Variants in PRSS12 observed in about 807,000 individuals in gnomAD.
The protein encoded by PRSS12 is neurotrypsin.
A neutral mutation model predicts 104.4 loss-of-function variants in PRSS12; 85 were observed. That is an observed-to-expected ratio of 0.81 (90% CI 0.68 to 0.98). The LOEUF is 0.98. Among genes scored for constraint, PRSS12 ranks in the 50% least tolerant of loss-of-function variants. The pLI is 0.00. For synonymous variants in PRSS12, 454 were observed against 425.2 expected, an observed-to-expected ratio of 1.07 and a Z score of -0.83; for missense variants, 1,141 against 1,139.2, an observed-to-expected ratio of 1.00 and a Z score of -0.02.
chr4:118,307,566 C>G (rs1448621086), intron 8 of PRSS12, among the ~76,000 whole-genome samples: 1 of 152,074 alleles, frequency 6.6e-6, no homozygotes, highest in Non-Finnish European at 1.5e-5. Context: ...TTTGTTACTT[C>G]AAAATCATTA....
chr4:118,282,136 C>CA lies in PRSS12; in HGVS notation c.2427dup (p.Gly810TrpfsTer5). The CA allele has an allele frequency of 1.2e-6, 2 of 1,614,154 alleles. No individual in the cohort carries two copies. The highest frequency in any genetic ancestry group is 1.7e-6 in the Non-Finnish European group (2 of 1,180,020). On this transcript the variant is annotated frameshift_variant, in exon 13 of 13. Coordinates refer to ENST00000296498, the MANE Select transcript of PRSS12 (RefSeq NM_003619.4). LOFTEE classifies it high-confidence loss of function. ...ACGCGTTTGTGTTCATGGAGGTTTC[C>CA]AGCACAAAGCATTCTCCCTGTAAAC...
rs901159520 is a variant in PRSS12 at position 118,281,259 on chromosome 4, T to C, written c.*677A>G. On this transcript the variant is annotated 3_prime_UTR_variant, in exon 13 of 13. Transcript: ENST00000296498. ...GAAATCCTTTCAAATTTTGCTAGTT[T>C]ATACGCTGTAGGTAGAAAGTATTTT... 6.5e-6 allele frequency: 1 copy of C among 152,888 alleles called. No homozygotes were observed. Among genetic ancestry groups the C allele is most frequent in the Admixed American group, 6.5e-5 (1 of 15,396 alleles). The allele number at this position is 152,888 out of a possible 1,614,324, so 9.5% of individuals were successfully genotyped here. A position where few individuals can be genotyped will look rare whatever the true frequency, so the allele number is the denominator to read the frequency against.
chr4:118,316,391 A>C lies in PRSS12; in HGVS notation c.1151-68T>G, dbSNP rs983704932. ...CAAAAAAAGGCAAAACAACATTTGTATTTCACAAGAAATATCACCATATTC... is the reference window on the plus strand; with the variant it reads ...CAAAAAAAGGCAAAACAACATTTGTCTTTCACAAGAAATATCACCATATTC... On this transcript the variant is annotated intron_variant, in intron 5 of 12. Transcript: ENST00000296498. The C allele has an allele frequency of 6.3e-6, 10 of 1,592,026 alleles. No individual in the cohort carries two copies. In the African/African-American group the frequency reaches 1.3e-4, roughly 21 times the overall value.
chr4:118,304,811 C>T (rs920032380), intron 8 of PRSS12, among the ~76,000 whole-genome samples: 28 of 151,958 alleles, frequency 1.8e-4, no homozygotes, highest in African/African-American at 6.3e-4. Context: ...GTATTAGTTA[C>T]CATTCACATT....
chr4:118,334,854 T>C (rs1029482663), intron 3 of PRSS12, among the ~76,000 whole-genome samples: 5 of 152,194 alleles, frequency 3.3e-5, no homozygotes, highest in Non-Finnish European at 5.9e-5. Flanking sequence ...AAATACACCA[T>C]GGTACCCAGA....
intron 7 of PRSS12, among the ~76,000 whole-genome samples, chr4:118,309,833 G>C (rs1441278085): frequency 1.3e-5 from 2 of 152,098 alleles, no homozygotes; most frequent in Non-Finnish European, 2.9e-5. Flanking sequence ...ATCAACATTG[G>C]TTAACTAAAA....
intron 11 of PRSS12, among the ~76,000 whole-genome samples, chr4:118,292,062 T>G (rs1220271110): frequency 1.4e-5 from 2 of 147,842 alleles, no homozygotes; most frequent in African/African-American, 2.5e-5. Context: ...TGTATCCTAG[T>G]TTTTTTTTTA....
At chr4:118,300,789 G>A (rs1743387978) in intron 8 of PRSS12, among the ~76,000 whole-genome samples, 1 of 152,032 alleles carries the variant, frequency 6.6e-6, no homozygotes, top group East Asian at 1.9e-4. Flanking sequence ...AGAGAATAAT[G>A]GCATACAATA....
At chr4:118,333,384 T>C (rs1723975161) in intron 3 of PRSS12, among the ~76,000 whole-genome samples, 1 of 152,234 alleles carries the variant, frequency 6.6e-6, no homozygotes, top group African/African-American at 2.4e-5. Flanking sequence ...ATATCATATT[T>C]GAGTTTTGTA....
Position 118,335,730 on chromosome 4 carries a change from A to G in PRSS12, c.642-79T>C, listed in dbSNP as rs956187246. On this transcript the variant is annotated intron_variant, in intron 2 of 12. Transcript: ENST00000296498. ...TCAAAACATTTGGATTTGAAAAAAA[A>G]TGGAAGAAATCAACAAAGATGAATA... 4 of 1,312,194 alleles carry G rather than the reference A, an allele frequency of 3.0e-6. No homozygotes were observed. The African/African-American group carries it at 4.4e-5, about 14-fold the overall frequency. The allele number at this position is 1,312,194 out of a possible 1,614,324, so 81.3% of individuals were successfully genotyped here. A position where few individuals can be genotyped will look rare whatever the true frequency, so the allele number is the denominator to read the frequency against.
intron 8 of PRSS12, among the ~76,000 whole-genome samples, chr4:118,302,454 T>C (rs1743424413): frequency 6.6e-6 from 1 of 152,232 alleles, no homozygotes; most frequent in Non-Finnish European, 1.5e-5. Context: ...TCTTAAGGAC[T>C]GGTGAAAAGT....
Position 118,298,777 on chromosome 4 carries a change from A to G in PRSS12, c.1793T>C (p.Ile598Thr), listed in dbSNP as rs1265762087. The change falls in exon 9 of 13, where the codon ATT becomes ACT. Residue 598 changes from isoleucine to threonine, a missense_variant. Coordinates refer to ENST00000296498, the MANE Select transcript of PRSS12 (RefSeq NM_003619.4). ...GGCCTTCTTGCCAAAATAATCACAA[A>G]TAACTCCTGCATCTTCACTGTGGCG... ...NCRHSEDAGVICDYFGKKASG... is the reference protein window; with the variant it reads ...NCRHSEDAGVTCDYFGKKASG... 13 of 1,614,064 alleles carry G rather than the reference A, an allele frequency of 8.1e-6. No homozygotes were observed. The East Asian group carries it at 2.7e-4, about 33-fold the overall frequency.
At chr4:118,289,161 A>T (rs1401805702) in intron 11 of PRSS12, among the ~76,000 whole-genome samples, 1 of 152,238 alleles carries the variant, frequency 6.6e-6, no homozygotes, top group Admixed American at 6.5e-5. Flanking sequence ...CACCATTCCT[A>T]GATTATTCTG....
chr4:118,301,177 AAGT>A (rs999426142), intron 8 of PRSS12, among the ~76,000 whole-genome samples: 3 of 152,042 alleles, frequency 2.0e-5, no homozygotes, highest in African/African-American at 7.2e-5. Context: ...TTTGTCCTTA[AAGT>A]AGTTGTCCCA....
At chr4:118,318,961 C>G (rs1723532967) in intron 4 of PRSS12, among the ~76,000 whole-genome samples, 1 of 152,132 alleles carries the variant, frequency 6.6e-6, no homozygotes, top group Non-Finnish European at 1.5e-5. Context: ...CATTAAGCAC[C>G]TTCACATTAT....
At chr4:118,318,612 TA>T (rs1338512408) in intron 4 of PRSS12, 56 bp from the exon 5 acceptor site, 2 of 1,550,786 alleles carry the variant, frequency 1.3e-6, no homozygotes, top group South Asian at 1.2e-5. Flanking sequence ...ATTGGTCTTT[TA>T]TTTTTTTTTT....
At chr4:118,335,041 G>C (rs911665188) in intron 3 of PRSS12, among the ~76,000 whole-genome samples, 1 of 152,068 alleles carries the variant, frequency 6.6e-6, no homozygotes, top group African/African-American at 2.4e-5. Flanking sequence ...ACAGCCCCAA[G>C]AACACTGATG....
chr4:118,319,402 C>A (rs772169101), intron 4 of PRSS12, among the ~76,000 whole-genome samples: 4 of 152,004 alleles, frequency 2.6e-5, no homozygotes, highest in Non-Finnish European at 5.9e-5. Flanking sequence ...GGTGGAAGTA[C>A]CATGTATTAC....
Position 118,318,404 on chromosome 4 carries a change from G to GC in PRSS12, c.1123dup (p.Ala375GlyfsTer23). 1 of 1,614,086 alleles carries GC rather than the reference G, an allele frequency of 6.2e-7. No individual in the cohort carries two copies. The highest frequency in any genetic ancestry group is 8.5e-7 in the Non-Finnish European group (1 of 1,179,972). ...TGTTAGAGGGGTACAGGACACTCCAGCATCTTCTTTATGGCCACAGTTATG... is the reference window on the plus strand; with the variant it reads ...TGTTAGAGGGGTACAGGACACTCCAGCCATCTTCTTTATGGCCACAGTTATG... On this transcript the variant is annotated frameshift_variant, in exon 5 of 13. Coordinates refer to ENST00000296498, the MANE Select transcript of PRSS12 (RefSeq NM_003619.4). LOFTEE classifies it high-confidence loss of function.
Sources: allele counts gnomAD v4.1 joint callset (sites outside exome capture counted in the v4.1 genomes callset), GRCh38; gene constraint gnomAD v4.1.1; transcripts MANE v1.5; gene names NCBI Gene and HGNC (gene_info 2026-07-23, HGNC 2026-07-21).